PAM: variants seen among roughly 807,000 people sequenced by gnomAD.
PAM encodes peptidylglycine alpha-amidating monooxygenase.
In PAM, 72 loss-of-function variants were observed where a neutral mutation model predicts 122.1. That is an observed-to-expected ratio of 0.59 (90% CI 0.49 to 0.72). The LOEUF (loss-of-function observed/expected upper bound fraction) is 0.72. Among genes scored for constraint, PAM ranks in the 30% least tolerant of loss-of-function variants. PAM has a pLI of 0.00. For synonymous variants in PAM, 389 were observed against 404.4 expected (o/e 0.96, Z 0.46); for missense variants, 1,106 against 1,183.7 (o/e 0.93, Z 0.96).
chr5:102,767,930 G>T (rs1016418915), intron 1 of PAM, among the ~76,000 whole-genome samples: 1 of 152,116 alleles, frequency 6.6e-6, no homozygotes, highest in African/African-American at 2.4e-5. Context: ...GGTTGTAAGT[G>T]CTGGGACCAG....
At chr5:102,929,294 G>A (rs1361110003) in intron 7 of PAM, among the ~76,000 whole-genome samples, 1 of 152,052 alleles carries the variant, frequency 6.6e-6, no homozygotes, top group African/African-American at 2.4e-5. Context: ...TCTGTATTGT[G>A]ATCTCATACT....
At chr5:102,974,806 A>G (rs1767065403) in intron 15 of PAM, 1 of 165,540 alleles carries the variant, frequency 6.0e-6, no homozygotes, top group Non-Finnish European at 1.3e-5. Flanking sequence ...TGATATGTAA[A>G]GTCCCAGTTT....
chr5:102,975,484 A>G (rs1767334566), intron 15 of PAM, among the ~76,000 whole-genome samples: 1 of 152,188 alleles, frequency 6.6e-6, no homozygotes, highest in Non-Finnish European at 1.5e-5. Context: ...TCATGTTTAA[A>G]CAGGATCAGC....
rs183956071 is a variant in PAM at position 103,019,767 on chromosome 5, C to G, written c.2432-23C>G. 9,722 of 1,539,158 alleles carry G rather than the reference C, an allele frequency of 6.3e-3. 63 individuals carry two copies. The highest frequency in any genetic ancestry group is 6.0e-3 in the Non-Finnish European group (6,662 of 1,112,776). Reference sequence around the variant, plus strand: ...TCTTTTTGGAGATTCTGACTTTTCTCTCTCCTTGTTGTGTTGTTACAGAAT... The same window carrying G: ...TCTTTTTGGAGATTCTGACTTTTCTGTCTCCTTGTTGTGTTGTTACAGAAT... On this transcript the variant is annotated intron_variant, in intron 22 of 25. Transcript: ENST00000438793.
At chr5:102,932,987 C>T (rs1393510005) in intron 7 of PAM, among the ~76,000 whole-genome samples, 1 of 152,158 alleles carries the variant, frequency 6.6e-6, no homozygotes, top group Non-Finnish European at 1.5e-5. Flanking sequence ...TCACACAACG[C>T]ACTACATGGA....
chr5:102,854,502 A>T (rs555199792), intron 1 of PAM, among the ~76,000 whole-genome samples: 63 of 152,286 alleles, frequency 4.1e-4, no homozygotes, highest in African/African-American at 1.4e-3. Context: ...GAAAGCTAAT[A>T]AGATCAACTG....
At chr5:102,946,995 G>C in intron 8 of PAM, 110 bp downstream of exon 8, 1 of 741,460 alleles carries the variant, frequency 1.3e-6, no homozygotes, top group Non-Finnish European at 2.4e-6. Context: ...ACCTAAACTG[G>C]GTTAAAACAA....
intron 1 of PAM, among the ~76,000 whole-genome samples, chr5:102,758,268 C>T (rs1240576964): frequency 6.6e-6 from 1 of 151,704 alleles, no homozygotes; most frequent in Non-Finnish European, 1.5e-5. Context: ...ATTTATTAGG[C>T]TTTACATACT....
chr5:102,854,016 G>T (rs1781992685), intron 1 of PAM, among the ~76,000 whole-genome samples: 1 of 152,108 alleles, frequency 6.6e-6, no homozygotes, highest in African/African-American at 2.4e-5. Flanking sequence ...TATCAAGTTG[G>T]TAGATCCTGC....
At chr5:102,857,977 C>A (rs905248709) in intron 1 of PAM, among the ~76,000 whole-genome samples, 1 of 152,154 alleles carries the variant, frequency 6.6e-6, no homozygotes, top group Non-Finnish European at 1.5e-5. Flanking sequence ...GATTTGAATT[C>A]TTGCTCTATC....
chr5:102,774,051 C>T (rs1331984093), intron 1 of PAM, among the ~76,000 whole-genome samples: 1 of 152,082 alleles, frequency 6.6e-6, no homozygotes, highest in Non-Finnish European at 1.5e-5. Context: ...TGATCTCATT[C>T]TTTTTTGTGG....
chr5:102,949,915 TG>T lies in PAM; in HGVS notation c.740del (p.Gly247AspfsTer4). Reference protein sequence around the residue: ...HTHHLGKVVSGYRVRNGQWTL... With the variant: ...HTHHLGKVVSXYRVRNGQWTL... ...TGTTTATTACAGGTAAGGTAGTAAG[TG>T]GATACAGAGTAAGAAATGGACAGTG... On this transcript the variant is annotated frameshift_variant, in exon 11 of 26. Transcript: ENST00000438793. LOFTEE classifies it high-confidence loss of function. The T allele has an allele frequency of 6.4e-7, 1 of 1,565,922 alleles. No homozygotes were observed. The highest frequency in any genetic ancestry group is 8.8e-7 in the Non-Finnish European group (1 of 1,137,160).
At chr5:102,777,748 A>G (rs919981718) in intron 1 of PAM, among the ~76,000 whole-genome samples, 1 of 152,122 alleles carries the variant, frequency 6.6e-6, no homozygotes, top group Non-Finnish European at 1.5e-5. Flanking sequence ...CTGTAGAGGT[A>G]TTTTATTTCC....
At chr5:102,829,576 A>G (rs1037247376) in intron 1 of PAM, among the ~76,000 whole-genome samples, 2 of 152,036 alleles carry the variant, frequency 1.3e-5, no homozygotes, top group Admixed American at 1.3e-4. Flanking sequence ...AGGTTTCACC[A>G]TGTTAGCCAG....
chr5:102,802,192 G>A (rs538679045), intron 1 of PAM, among the ~76,000 whole-genome samples: 1 of 152,110 alleles, frequency 6.6e-6, no homozygotes, highest in African/African-American at 2.4e-5. Context: ...CTTCCTTTGG[G>A]ACTTATAATC....
intron 1 of PAM, among the ~76,000 whole-genome samples, chr5:102,864,076 G>A (rs1382999946): frequency 6.6e-6 from 1 of 150,490 alleles, no homozygotes; most frequent in Non-Finnish European, 1.5e-5. Context: ...TCAAGTGTTT[G>A]TGTAATACCA....
Position 102,833,463 on chromosome 5 carries a change from G to A in PAM, c.-373-32360G>A, listed in dbSNP as rs1776017404. On this transcript the variant is annotated intron_variant, in intron 1 of 25. Transcript: ENST00000438793. ...AAAACTTATTACATGAAGGTCATCA[G>A]GGCTACAGAATAATGTGGAAGGGAA... Among the ~76,000 whole-genome samples the A allele has an allele frequency of 2.0e-5, 3 of 152,088 alleles. No individual in the cohort carries two copies. The South Asian group carries it at 6.2e-4, about 32-fold the overall frequency.
At chr5:102,931,805 A>ACTCTCTCTCTCTCT (rs879417466) in intron 7 of PAM, among the ~76,000 whole-genome samples, 37 of 140,390 alleles carry the variant, frequency 2.6e-4, no homozygotes, top group African/African-American at 9.0e-4. Context: ...AACAAACAAC[A>ACTCTCTCTCTCTCT]CACTCTCTCT....
chr5:102,953,356 A>G (rs1759592719), intron 12 of PAM, among the ~76,000 whole-genome samples: 1 of 152,174 alleles, frequency 6.6e-6, no homozygotes, highest in Non-Finnish European at 1.5e-5. Context: ...CATACACATG[A>G]TGGAATACTA....
Sources: allele counts gnomAD v4.1 joint callset (sites outside exome capture counted in the v4.1 genomes callset), GRCh38; gene constraint gnomAD v4.1.1; transcripts MANE v1.5; gene names NCBI Gene and HGNC (gene_info 2026-07-23, HGNC 2026-07-21).